ATL2: variants seen among roughly 807,000 people sequenced by gnomAD.
ATL2 encodes atlastin-2.
ATL2 carries 31 observed loss-of-function variants against 73.9 expected under a neutral mutation model. That is an observed-to-expected ratio of 0.42 (90% CI 0.32 to 0.57). The LOEUF is 0.57. Among genes scored for constraint, ATL2 ranks in the 20% least tolerant of loss-of-function variants. The pLI is 0.14. For synonymous variants in ATL2, 291 were observed against 237.5 expected (o/e 1.23, Z -2.07); for missense variants, 738 against 702.6 (o/e 1.05, Z -0.57).
At position 38,358,867 on chromosome 2, in the gene ATL2, A is replaced by C. The variant is rs527496078; in HGVS notation, c.119-15355T>G. 2.0e-5 allele frequency among the ~76,000 whole-genome samples: 3 copies of C among 152,296 alleles called. No individual in the cohort carries two copies. In the East Asian group the frequency reaches 5.8e-4, roughly 29 times the overall value. On this transcript the variant is annotated intron_variant, in intron 1 of 12. Transcript: ENST00000378954. ...TATTGCAGCCTGGGATACAAGTATT[A>C]CAAGTACTGACAAAGACACAAACTT...
intron 4 of ATL2, 34 bp from the exon 5 acceptor site, chr2:38,315,368 G>A (rs182562645): frequency 4.0e-6 from 6 of 1,490,896 alleles, no homozygotes; most frequent in Non-Finnish European, 1.8e-6. Flanking sequence ...TTTTTTATTA[G>A]TGTTTTGTTC....
In ATL2 at chr2:38,369,086, C is replaced by A. The variant is rs146353777; in HGVS notation, c.118+8057G>T. On this transcript the variant is annotated intron_variant, in intron 1 of 12. Transcript: ENST00000378954. Reference sequence around the variant, plus strand: ...CACTGTGAACAAAGATACTTGCAAACAAGCACAAACCTAACCCTGATGAAT... The same window carrying A: ...CACTGTGAACAAAGATACTTGCAAAAAAGCACAAACCTAACCCTGATGAAT... Among the ~76,000 whole-genome samples, 1,138 of 152,276 alleles carry A rather than the reference C, an allele frequency of 7.5e-3. 5 individuals carry two copies. The highest frequency in any genetic ancestry group is 0.014 in the Middle Eastern group (4 of 294).
intron 1 of ATL2, among the ~76,000 whole-genome samples, chr2:38,358,196 C>G (rs1573568253): frequency 1.3e-5 from 2 of 152,126 alleles, no homozygotes; most frequent in Admixed American, 6.5e-5. Flanking sequence ...AATTCTATTT[C>G]ATGTAGTTTC....
chr2:38,318,579 A>G lies in ATL2; in HGVS notation c.559T>C (p.Cys187Arg). 6.2e-7 allele frequency: 1 copy of G among 1,612,588 alleles called. No individual in the cohort carries two copies. Among genetic ancestry groups the G allele is most frequent in the Non-Finnish European group, 8.5e-7 (1 of 1,179,636 alleles). The change falls in exon 4 of 13, where the codon TGT becomes CGT. Residue 187 changes from cysteine to arginine, a missense_variant. Transcript: ENST00000378954. The part of the protein sequence containing the change: ...AFDSQSTIKD[C>R]ATVFALSTMT... Reference sequence around the variant, plus strand: ...GTGCTCAGAGCAAACACCGTTGCACAGTCTTTGATAGTTGACTGGCTATCA... The same window carrying G: ...GTGCTCAGAGCAAACACCGTTGCACGGTCTTTGATAGTTGACTGGCTATCA...
chr2:38,335,773 G>A (rs1423693569), intron 2 of ATL2, among the ~76,000 whole-genome samples: 3 of 152,194 alleles, frequency 2.0e-5, no homozygotes, highest in Non-Finnish European at 2.9e-5. Context: ...CGGGCGCGGT[G>A]GCTCACGCCT....
intron 4 of ATL2, among the ~76,000 whole-genome samples, chr2:38,317,514 T>C (rs1453810834): frequency 6.6e-6 from 1 of 152,182 alleles, no homozygotes; most frequent in Non-Finnish European, 1.5e-5. Context: ...AGGGATTTTA[T>C]CCCTTCCTAA....
intron 2 of ATL2, among the ~76,000 whole-genome samples, chr2:38,322,442 C>T (rs913726203): frequency 8.5e-5 from 13 of 152,120 alleles, no homozygotes; most frequent in Non-Finnish European, 1.8e-4. Flanking sequence ...TACTTATAAG[C>T]TTCAATGTAC....
intron 2 of ATL2, among the ~76,000 whole-genome samples, chr2:38,325,421 G>C (rs1406056910): frequency 6.6e-6 from 1 of 152,008 alleles, no homozygotes; most frequent in Non-Finnish European, 1.5e-5. Context: ...CAGAAGCTGA[G>C]AGTGAACTAG....
chr2:38,356,385 C>T (rs1301470677), intron 1 of ATL2, among the ~76,000 whole-genome samples: 1 of 151,648 alleles, frequency 6.6e-6, no homozygotes, highest in Non-Finnish European at 1.5e-5. Context: ...GATAGGGTTT[C>T]ACCATGTTGC....
rs764569825 is a variant in ATL2, at chr2:38,343,321, G to A, written c.310C>T (p.Arg104Cys). 3.1e-6 allele frequency: 5 copies of A among 1,610,844 alleles called. No homozygotes were observed. Among genetic ancestry groups the A allele is most frequent in the Non-Finnish European group, 3.4e-6 (4 of 1,179,258 alleles). ...IVVVSVAGAF[R>C]KGKSFLLDFM... ...TCCAGTAGAAATGACTTCCCTTTAC[G>A]AAAAGCTCCTGCCACAGATACCACT... The change falls in exon 2 of 13, where the codon CGT (arginine) becomes TGT (cysteine). Residue 104 changes from arginine to cysteine, a missense_variant. Transcript: ENST00000378954.
intron 2 of ATL2, among the ~76,000 whole-genome samples, chr2:38,333,831 C>T (rs1435670711): frequency 6.6e-6 from 1 of 152,180 alleles, no homozygotes; most frequent in East Asian, 1.9e-4. Flanking sequence ...ATTGTAAACA[C>T]TTCCATCTCG....
intron 2 of ATL2, among the ~76,000 whole-genome samples, chr2:38,338,254 A>G (rs1669487345): frequency 6.6e-6 from 1 of 152,180 alleles, no homozygotes; most frequent in African/African-American, 2.4e-5. Context: ...GAAGCTAAAC[A>G]AGGGTACTCA....
In ATL2 at chr2:38,322,298, T is replaced by C. The variant is rs113663230; in HGVS notation, c.364-3279A>G. ...TGGTTTTACTCTACATTTTACTTAT[T>C]TCTATCTCCTCTACAAGAAGGTAAG... On this transcript the variant is annotated intron_variant, in intron 2 of 12. Coordinates refer to ENST00000378954, the MANE Select transcript of ATL2 (RefSeq NM_001135673.4). Among the ~76,000 whole-genome samples the C allele has an allele frequency of 2.2e-3, 329 of 152,364 alleles. 5 individuals are homozygous for C. Among genetic ancestry groups the C allele is most frequent in the African/African-American group, 7.4e-3 (307 of 41,594 alleles).
intron 1 of ATL2, among the ~76,000 whole-genome samples, chr2:38,370,070 C>T (rs1418529529): frequency 7.0e-6 from 1 of 142,580 alleles, no homozygotes; most frequent in Non-Finnish European, 1.5e-5. Context: ...AGAAGAATGG[C>T]GTGAACCCCG....
At chr2:38,362,353 A>G (rs1671061692) in intron 1 of ATL2, among the ~76,000 whole-genome samples, 1 of 152,214 alleles carries the variant, frequency 6.6e-6, no homozygotes, top group African/African-American at 2.4e-5. Flanking sequence ...AATGGTCAAC[A>G]CATTTGTAAT....
At position 38,377,029 on chromosome 2, in the gene ATL2, A is replaced by G. The variant is rs913210888; in HGVS notation, c.118+114T>C. On this transcript the variant is annotated intron_variant, in intron 1 of 12. Coordinates refer to ENST00000378954, the MANE Select transcript of ATL2 (RefSeq NM_001135673.4). Reference sequence around the variant, plus strand: ...CGGGCAGGCGCGGCGGCGGGAGGAGACCTGAACCAGCCGCGGACTCCGACC... The same window carrying G: ...CGGGCAGGCGCGGCGGCGGGAGGAGGCCTGAACCAGCCGCGGACTCCGACC... 5.5e-6 allele frequency: 5 copies of G among 904,840 alleles called. No individual in the cohort carries two copies. The East Asian group carries it at 1.6e-4, about 29-fold the overall frequency. 56.1% of individuals were successfully genotyped at this position (904,840 alleles called of 1,614,324 possible). A position where few individuals can be genotyped will look rare whatever the true frequency, so the allele number is the denominator to read the frequency against.
chr2:38,339,546 G>C (rs1460431312), intron 2 of ATL2, among the ~76,000 whole-genome samples: 1 of 151,776 alleles, frequency 6.6e-6, no homozygotes, highest in East Asian at 1.9e-4. Flanking sequence ...AAAAAAATAT[G>C]ACCTCTAATA....
intron 11 of ATL2, 149 bp from the exon 12 acceptor site, chr2:38,298,724 A>C (rs974241818): frequency 2.4e-6 from 2 of 823,248 alleles, no homozygotes; most frequent in Non-Finnish European, 3.8e-6. Context: ...AGGTTATCAT[A>C]ATCTAGTTAT....
At chr2:38,296,750 G>C (rs779451260) in intron 12 of ATL2, 1 of 1,551,070 alleles carries the variant, frequency 6.4e-7, no homozygotes, top group East Asian at 2.4e-5. Flanking sequence ...AAGGTTTGTT[G>C]ACACAGCACA....
Sources: gnomAD v4.1 joint callset for allele counts (sites outside exome capture counted in the v4.1 genomes callset) on GRCh38, gnomAD v4.1.1 for gene constraint, MANE v1.5 for transcripts, NCBI Gene and HGNC (gene_info 2026-07-23, HGNC 2026-07-21) for gene names.